The following PCNA variants were observed in gnomAD, a reference collection of about 807,000 sequenced individuals.
The protein encoded by PCNA is DNA sliding clamp PCNA.
PCNA carries 4 observed loss-of-function variants against 27.8 expected under a neutral mutation model. That is an observed-to-expected ratio of 0.14 (90% CI 0.07 to 0.33). The LOEUF is 0.33. Ranked by LOEUF, PCNA falls within the 10% of genes least tolerant of loss-of-function variation. The probability of loss-of-function intolerance (pLI) is 1.00; values close to 1 mark genes in which losing one functional copy is unlikely to be tolerated. For missense variants in PCNA, 165 were observed against 327.4 expected (o/e 0.50, Z 3.83); for synonymous variants, 121 against 119.4 (o/e 1.01, Z -0.09).
At chr20:5,120,968 G>A (rs2090514533), upstream of PCNA, among the ~76,000 whole-genome samples, 1 of 151,856 alleles carries the variant, frequency 6.6e-6, no homozygotes, top group Admixed American at 6.6e-5. Flanking sequence ...CACCACCCCC[G>A]GCTAATTTTT....
rs1012571389 is a variant in PCNA at position 5,119,899 on chromosome 20, G to A, written c.-101C>T. ...CTCAGAGCGAGCGGGCGAACGTCGC[G>A]ACGACCGGCTGAGACCTAGAAAGAC... On this transcript the variant is annotated 5_prime_UTR_variant, in exon 1 of 6. Coordinates refer to ENST00000379143, the MANE Select transcript of PCNA (RefSeq NM_182649.2). 21 of 884,274 alleles carry A rather than the reference G, an allele frequency of 2.4e-5. No homozygotes were observed. Among genetic ancestry groups the A allele is most frequent in the Non-Finnish European group, 3.0e-5 (17 of 561,110 alleles). 54.8% of individuals were successfully genotyped at this position (884,274 alleles called of 1,614,324 possible).
At chr20:5,119,965 G>C (rs994263725), upstream of PCNA, 2 of 613,136 alleles carry the variant, frequency 3.3e-6, no homozygotes, top group African/African-American at 3.7e-5. Flanking sequence ...TAATGCCGCC[G>C]CGTCCGCAAG....
chr20:5,123,531 C>A (rs1425404553), upstream of PCNA, among the ~76,000 whole-genome samples: 4 of 152,074 alleles, frequency 2.6e-5, no homozygotes, highest in Middle Eastern at 3.4e-3. Context: ...CCCGTCTCTA[C>A]TAAAAATACA....
At chr20:5,116,392 A>C (rs763111920) in intron 4 of PCNA, among the ~76,000 whole-genome samples, 3 of 152,332 alleles carry the variant, frequency 2.0e-5, no homozygotes, top group East Asian at 3.9e-4. Flanking sequence ...GTGATTCAGG[A>C]AACAGATAAA....
At chr20:5,122,431 A>G (rs896431406), upstream of PCNA, among the ~76,000 whole-genome samples, 2 of 152,224 alleles carry the variant, frequency 1.3e-5, no homozygotes, top group South Asian at 4.1e-4. Context: ...GTTTTTCTGT[A>G]TAATATCCTA....
At chr20:5,116,190 T>C (rs1486880015) in intron 4 of PCNA, among the ~76,000 whole-genome samples, 1 of 152,106 alleles carries the variant, frequency 6.6e-6, no homozygotes, top group East Asian at 1.9e-4. Flanking sequence ...CCAGGCTAGG[T>C]GTGTTGGCAC....
intron 4 of PCNA, among the ~76,000 whole-genome samples, chr20:5,116,369 CA>C (rs1211234071): frequency 1.3e-5 from 2 of 152,100 alleles, no homozygotes; most frequent in Non-Finnish European, 2.9e-5. Flanking sequence ...ACGAGGTTGG[CA>C]GGAGTGGAAA....
chr20:5,124,651 CAAAAA>C (rs1302180217), upstream of PCNA, among the ~76,000 whole-genome samples: 4 of 150,708 alleles, frequency 2.7e-5, no homozygotes, highest in East Asian at 7.8e-4. Flanking sequence ...AAAAAACAAA[CAAAAA>C]GAAAACAAAA....
intron 1 of PCNA, among the ~76,000 whole-genome samples, chr20:5,125,261 T>C (rs1226604314): frequency 6.6e-6 from 1 of 152,176 alleles, no homozygotes; most frequent in African/African-American, 2.4e-5. Context: ...AAATCAGGAA[T>C]ATATAATGCT....
exon 1 of PCNA, chr20:5,126,605 C>G (rs930155770): frequency 6.6e-6 from 1 of 152,546 alleles, no homozygotes; most frequent in African/African-American, 2.4e-5. Context: ...AGAACCAGGG[C>G]GCCAGCTCCG....
At chr20:5,117,727 C>CT (rs2090485426) in intron 3 of PCNA, 63 bp from the exon 4 acceptor site, 1 of 1,046,742 alleles carries the variant, frequency 9.6e-7, no homozygotes. Flanking sequence ...GGCACCCTCA[C>CT]TTTCTTAAAA....
Position 5,115,294 on chromosome 20 carries a change from C to A in PCNA, c.775G>T (p.Glu259Ter). Reference sequence around the variant, plus strand: ...AATTTTAAGAATGCCTAAGATCCTTCTTCATCCTCGATCTTGGGAGCCAAG... The same window carrying A: ...AATTTTAAGAATGCCTAAGATCCTTATTCATCCTCGATCTTGGGAGCCAAG... ...YYLAPKIEDE[E>*]GS The change falls in exon 6 of 6, where the codon GAA becomes TAA. Residue 259 changes from glutamate (E) to a stop codon, truncating the protein, a stop_gained. Transcript: ENST00000379143. LOFTEE classifies it high-confidence loss of function. 6.2e-7 allele frequency: 1 copy of A among 1,612,778 alleles called. No individual in the cohort carries two copies. The highest frequency in any genetic ancestry group is 8.5e-7 in the Non-Finnish European group (1 of 1,178,798).
In PCNA at chr20:5,115,534, A is replaced by G. The variant is rs1366418403; in HGVS notation, c.621T>C (p.Phe207=). 6.2e-7 allele frequency: 1 copy of G among 1,613,910 alleles called. No homozygotes were observed. The highest frequency in any genetic ancestry group is 8.5e-7 in the Non-Finnish European group (1 of 1,179,896). Residue 207 remains phenylalanine (F), a synonymous_variant, in exon 5 of 6, where the codon TTT becomes TTC. Transcript: ENST00000379143. ...TAAAGAAGTTCAGGTACCTCAGTGC[A>G]AAAGTTAGTTGAACTGGTTCATTCA... ...IEMNEPVQLT[F]ALRYLNFFTK... is the part of the protein sequence containing the mutation.
rs2090494123 is a variant in PCNA at position 5,118,788 on chromosome 20, C to A, written c.300G>T (p.Ala100=). Residue 100 remains alanine, a synonymous_variant, in exon 2 of 6, where the codon GCG becomes GCT. Transcript: ENST00000379143. ...LRAEDNADTL[A]LVFEAPNQEK... ...ACTTACTTGGTGCTTCAAATACTAG[C>A]GCCAAGGTATCCGCGTTATCTTCGG... The A allele has an allele frequency of 6.2e-7, 1 of 1,614,030 alleles. No individual in the cohort carries two copies. Among genetic ancestry groups the A allele is most frequent in the Non-Finnish European group, 8.5e-7 (1 of 1,179,868 alleles).
intron 5 of PCNA, 41 bp from the exon 6 acceptor site, chr20:5,115,403 T>C: frequency 2.5e-6 from 4 of 1,613,670 alleles, no homozygotes; most frequent in Non-Finnish European, 3.4e-6. Flanking sequence ...GGAGTATGTA[T>C]CACATATGAC....
At chr20:5,120,758 G>A (rs543875848), upstream of PCNA, among the ~76,000 whole-genome samples, 1 of 152,166 alleles carries the variant, frequency 6.6e-6, no homozygotes, top group South Asian at 2.1e-4. Context: ...TCAACTCCTT[G>A]AAGTAATACA....
intron 1 of PCNA, 21 bp downstream of exon 1, chr20:5,119,557 T>G (rs1165548625): frequency 6.3e-7 from 1 of 1,598,310 alleles, no homozygotes; most frequent in Admixed American, 1.7e-5. Flanking sequence ...GGGGCCGGCT[T>G]CCCGGGGCCG....
Position 5,119,893 on chromosome 20 carries a change from C to G in PCNA, c.-95G>C, listed in dbSNP as rs536762730. ...AGGAGCCTCAGAGCGAGCGGGCGAACGTCGCGACGACCGGCTGAGACCTAG... is the reference window on the plus strand; with the variant it reads ...AGGAGCCTCAGAGCGAGCGGGCGAAGGTCGCGACGACCGGCTGAGACCTAG... On this transcript the variant is annotated 5_prime_UTR_variant, in exon 1 of 6. Transcript: ENST00000379143. 4 of 939,594 alleles carry G rather than the reference C, an allele frequency of 4.3e-6. No homozygotes were observed. In the African/African-American group the frequency reaches 6.5e-5, roughly 15 times the overall value. 58.2% of individuals were successfully genotyped at this position (939,594 alleles called of 1,614,324 possible). A position where few individuals can be genotyped will look rare whatever the true frequency, so the allele number is the denominator to read the frequency against.
rs769587124 is a variant in PCNA at position 5,119,595 on chromosome 20, C to T, written c.204G>A (p.Met68Ile). 2.5e-6 allele frequency: 4 copies of T among 1,612,828 alleles called. No individual in the cohort carries two copies. Among genetic ancestry groups the T allele is most frequent in the Admixed American group, 3.3e-5 (2 of 59,982 alleles). ...DTYRCDRNLA[M>I]GVNLTSMSKI... ...AGGCTCACCTGGTGAGGTTCACGCC[C>T]ATGGCCAGGTTGCGGTCGCAGCGGT... Residue 68 changes from methionine (M) to isoleucine (I), a missense_variant, in exon 1 of 6, where the codon ATG becomes ATA. By Grantham distance (10) the Met-to-Ile change is conservative. Coordinates refer to ENST00000379143, the MANE Select transcript of PCNA (RefSeq NM_182649.2).
Sources: gnomAD v4.1 joint callset for allele counts (sites outside exome capture counted in the v4.1 genomes callset) on GRCh38, gnomAD v4.1.1 for gene constraint, MANE v1.5 for transcripts, NCBI Gene and HGNC (gene_info 2026-07-23, HGNC 2026-07-21) for gene names.